The following SPATA13 variants were observed in gnomAD, a reference collection of about 807,000 sequenced individuals.
SPATA13 encodes spermatogenesis associated 13.
Under a neutral mutation model 104.0 loss-of-function variants are expected in SPATA13, and 50 were observed. The ratio of observed to expected loss-of-function variants is 0.48; its 90% CI spans 0.38 to 0.61. The LOEUF (loss-of-function observed/expected upper bound fraction) is 0.61. SPATA13 is among the 20% of genes least tolerant of loss of function. SPATA13 has a pLI of 0.00. For synonymous variants in SPATA13, 606 were observed against 667.5 expected (o/e 0.91, Z 1.42); for missense variants, 1,524 against 1,690.6 (o/e 0.90, Z 1.73).
intron 3 of SPATA13, among the ~76,000 whole-genome samples, chr13:24,025,775 CTAATCACATCTTT>C (rs2137707320): frequency 6.6e-6 from 1 of 151,658 alleles, no homozygotes; most frequent in East Asian, 1.9e-4. Context: ...TATGAAATAT[CTAATCACATCTTT>C]TACCTTTTCT....
chr13:24,245,373 T>C (rs1246872956), intron 2 of SPATA13, among the ~76,000 whole-genome samples: 2 of 152,192 alleles, frequency 1.3e-5, no homozygotes, highest in East Asian at 1.9e-4. Flanking sequence ...GAATAATCAA[T>C]GTTTGAATGT....
chr13:24,286,435 G>A lies in SPATA13; in HGVS notation c.2481+42G>A. ...TGCAGCTTTTCCAAAGTACCTGGGG[G>A]AGCTGCAGGATCCTTTCAGGTCAGA... On this transcript the variant is annotated intron_variant, in intron 6 of 12. Coordinates refer to ENST00000382108, the MANE Select transcript of SPATA13 (RefSeq NM_001166271.3). The surrounding 1 kb of genome is among the most constrained non-coding windows in gnomAD (Gnocchi z 4.9). 4.4e-6 allele frequency: 7 copies of A among 1,583,646 alleles called. No homozygotes were observed. Among genetic ancestry groups the A allele is most frequent in the Non-Finnish European group, 6.0e-6 (7 of 1,164,110 alleles).
chr13:24,268,681 C>T (rs1255297011), intron 4 of SPATA13, among the ~76,000 whole-genome samples: 1 of 152,150 alleles, frequency 6.6e-6, no homozygotes, highest in Non-Finnish European at 1.5e-5. Context: ...ATCACTTGAA[C>T]CCAGGAGGTG....
chr13:24,006,452 T>C (rs1349214358), intron 2 of SPATA13, among the ~76,000 whole-genome samples: 2 of 152,208 alleles, frequency 1.3e-5, no homozygotes, highest in East Asian at 1.9e-4. Context: ...GTTTCCAGCA[T>C]GTCCCCATTT....
chr13:24,065,080 C>T (rs7334415), intron 3 of SPATA13, among the ~76,000 whole-genome samples: 136,385 of 152,098 alleles, frequency 0.9, 61,747 homozygotes, highest in South Asian at 0.98. Context: ...CATTTATAGT[C>T]TCAATGTCAG....
chr13:23,999,368 CAAAAAAAAAA>C (rs34668799), intron 2 of SPATA13, among the ~76,000 whole-genome samples: 14,590 of 95,200 alleles, frequency 0.15, 1,343 homozygotes, highest in East Asian at 0.35. Flanking sequence ...CATTTTCTAC[CAAAAAAAAAA>C]AAAAAAAAAA....
At position 24,290,636 on chromosome 13, in the gene SPATA13, T is replaced by C. The variant is rs1420943355; in HGVS notation, c.2848-16T>C. 1 of 1,609,798 alleles carries C rather than the reference T, an allele frequency of 6.2e-7. No individual in the cohort carries two copies. Among genetic ancestry groups the C allele is most frequent in the Non-Finnish European group, 8.5e-7 (1 of 1,176,130 alleles). ...GGCACCCCAGAAGCTGACGAAGCTG[T>C]ACTTTTCCTTCCCAGCAAGAGGGCT... On this transcript the variant is annotated splice_polypyrimidine_tract_variant and intron_variant, in intron 8 of 12. Coordinates refer to ENST00000382108, the MANE Select transcript of SPATA13 (RefSeq NM_001166271.3).
At position 24,076,275 on chromosome 13, in the gene SPATA13, T is replaced by C. The variant is rs1473313039; in HGVS notation, c.-112+58574T>C. Among the ~76,000 whole-genome samples the C allele has an allele frequency of 3.9e-5, 6 of 152,110 alleles. No homozygotes were observed. In the East Asian group the frequency reaches 9.6e-4, roughly 24 times the overall value. On this transcript the variant is annotated intron_variant, in intron 3 of 14. Coordinates refer to the SPATA13 transcript ENST00000424834. ...TTATTAACTATGCAGCCTGAACTCC[T>C]GGGAAATGAGTGGTTTATCTTTGTG...
intron 3 of SPATA13, among the ~76,000 whole-genome samples, chr13:24,130,266 C>T (rs1881352303): frequency 6.6e-6 from 1 of 152,182 alleles, no homozygotes; most frequent in African/African-American, 2.4e-5. Flanking sequence ...ACACACACGG[C>T]CAGTGGGACT....
At chr13:24,079,155 G>A in intron 3 of SPATA13, among the ~76,000 whole-genome samples, 1 of 152,194 alleles carries the variant, frequency 6.6e-6, no homozygotes. Flanking sequence ...GAGGGCAGCG[G>A]GTGCCTAGGC....
chr13:24,128,505 G>A (rs1427459351), intron 3 of SPATA13, among the ~76,000 whole-genome samples: 1 of 152,170 alleles, frequency 6.6e-6, no homozygotes, highest in Non-Finnish European at 1.5e-5. Context: ...TTAGGAAAGT[G>A]CATGGGTCCA....
intron 2 of SPATA13, 121 bp downstream of exon 2, chr13:24,224,703 C>T: frequency 9.6e-7 from 1 of 1,038,094 alleles, no homozygotes; most frequent in Non-Finnish European, 1.4e-6. Flanking sequence ...CCTTGTTGCC[C>T]TTACAGTATT....
At chr13:24,162,995 T>G (rs893303652) in intron 1 of SPATA13, among the ~76,000 whole-genome samples, 1 of 152,250 alleles carries the variant, frequency 6.6e-6, no homozygotes, top group African/African-American at 2.4e-5. Context: ...AAAAACCTAA[T>G]GCCGGCTGTC....
At chr13:24,243,532 G>A (rs749779189) in intron 2 of SPATA13, among the ~76,000 whole-genome samples, 1 of 152,180 alleles carries the variant, frequency 6.6e-6, no homozygotes, top group African/African-American at 2.4e-5. Context: ...TGTGAAATAG[G>A]CCCTTCCCTT....
chr13:24,123,369 C>A (rs1176937198), intron 3 of SPATA13: 1 of 1,291,716 alleles, frequency 7.7e-7, no homozygotes, highest in South Asian at 1.2e-5. Context: ...AATTACCCAG[C>A]AAGCCCTTGC....
At chr13:24,053,589 G>A (rs1113414) in intron 3 of SPATA13, among the ~76,000 whole-genome samples, 40,598 of 151,728 alleles carry the variant, frequency 0.27, 5,638 homozygotes, top group African/African-American at 0.34. Flanking sequence ...CCCACGGTGG[G>A]AGTATTTTTC....
intron 4 of SPATA13, among the ~76,000 whole-genome samples, chr13:24,256,745 G>A (rs1292116134): frequency 6.6e-6 from 1 of 152,206 alleles, no homozygotes; most frequent in Non-Finnish European, 1.5e-5. Flanking sequence ...GGTCATGTGG[G>A]ACAGGCCTGA....
chr13:24,262,302 T>C (rs1874095556), intron 4 of SPATA13, among the ~76,000 whole-genome samples: 1 of 140,530 alleles, frequency 7.1e-6, no homozygotes, highest in Non-Finnish European at 1.6e-5. Context: ...AAAACAAAGT[T>C]TTTTTTCTTT....
At chr13:24,107,237 C>CAAAA (rs11421515) in intron 3 of SPATA13, among the ~76,000 whole-genome samples, 5 of 34,266 alleles carry the variant, frequency 1.5e-4, no homozygotes, top group African/African-American at 2.6e-4. Context: ...GAACAAGAGG[C>CAAAA]AAAAAAAAAA....
Sources: gnomAD v4.1 joint callset for allele counts (sites outside exome capture counted in the v4.1 genomes callset) on GRCh38, gnomAD v4.1.1 for gene constraint, Gnocchi (gnomAD v3.1) non-coding constraint, MANE v1.5 for transcripts, NCBI Gene and HGNC (gene_info 2026-07-23, HGNC 2026-07-21) for gene names.